The following NLN variants were observed in gnomAD, a reference collection of about 807,000 sequenced individuals.
NLN encodes neurolysin, mitochondrial.
A neutral mutation model predicts 79.9 loss-of-function variants in NLN; 64 were observed. The ratio of observed to expected loss-of-function variants is 0.80; its 90% CI spans 0.65 to 0.99. The LOEUF (loss-of-function observed/expected upper bound fraction) is 0.99. Ranked by LOEUF, NLN falls within the 50% of genes least tolerant of loss-of-function variation. The probability of loss-of-function intolerance (pLI) is 0.00; values close to 1 mark genes in which losing one functional copy is unlikely to be tolerated. For missense variants in NLN, 835 were observed against 858.7 expected (o/e 0.97, Z 0.34); for synonymous variants, 267 against 296.6 (o/e 0.90, Z 1.02).
At chr5:65,795,838 A>G (rs1449848136) in intron 9 of NLN, among the ~76,000 whole-genome samples, 1 of 152,246 alleles carries the variant, frequency 6.6e-6, no homozygotes, top group Non-Finnish European at 1.5e-5. Flanking sequence ...TTTGTAATTT[A>G]GAAGTCAAAA....
intron 3 of NLN, among the ~76,000 whole-genome samples, chr5:65,773,166 C>G (rs1419568024): frequency 7.7e-6 from 1 of 130,082 alleles, no homozygotes; most frequent in Non-Finnish European, 1.6e-5. Context: ...GGTCCTCACT[C>G]TGTTGCCCAG....
chr5:65,777,495 G>A lies in NLN; in HGVS notation c.519G>A (p.Gly173=), dbSNP rs1485051803. 1.2e-6 allele frequency: 2 copies of A among 1,612,376 alleles called. No homozygotes were observed. Among genetic ancestry groups the A allele is most frequent in the Admixed American group, 1.7e-5 (1 of 59,976 alleles). The part of the protein sequence containing the change: ...RRYLEKSIKM[G]KRNGLHLPEQ... ...ACTTGGAAAAGTCAATTAAAATGGG[G>A]AAAAGAAATGGGCTCCATCTTCCTG... Residue 173 remains glycine (G), a synonymous_variant, in exon 4 of 13, where the codon GGG becomes GGA. Coordinates refer to ENST00000380985, the MANE Select transcript of NLN (RefSeq NM_020726.5).
Position 65,828,238 on chromosome 5 carries a change from T to A in NLN, c.*5323T>A, listed in dbSNP as rs922808960. The A allele has an allele frequency of 6.6e-6, 1 of 152,190 alleles. No individual in the cohort carries two copies. The highest frequency in any genetic ancestry group is 2.4e-5 in the African/African-American group (1 of 41,422). The allele number at this position is 152,190 out of a possible 1,614,324, so 9.4% of individuals were successfully genotyped here. A position where few individuals can be genotyped will look rare whatever the true frequency, so the allele number is the denominator to read the frequency against. On this transcript the variant is annotated 3_prime_UTR_variant, in exon 13 of 13. Coordinates refer to ENST00000380985, the MANE Select transcript of NLN (RefSeq NM_020726.5). ...ACGGGAGGCGAGAACTAAGGCTTTT[T>A]AAGAATGTGTTGATGGAAGTATGTG...
intron 12 of NLN, among the ~76,000 whole-genome samples, chr5:65,822,456 A>C (rs1232100618): frequency 6.6e-6 from 1 of 152,230 alleles, no homozygotes; most frequent in East Asian, 1.9e-4. Context: ...ATCACGAGAG[A>C]TAGCATAGCA....
intron 12 of NLN, among the ~76,000 whole-genome samples, chr5:65,822,430 T>C (rs1409680636): frequency 6.6e-6 from 1 of 152,234 alleles, no homozygotes; most frequent in Non-Finnish European, 1.5e-5. Context: ...AACACTTGCT[T>C]TCTAAGCCTT....
At chr5:65,800,018 A>T (rs956468718) in intron 9 of NLN, among the ~76,000 whole-genome samples, 1 of 152,242 alleles carries the variant, frequency 6.6e-6, no homozygotes, top group African/African-American at 2.4e-5. Flanking sequence ...CTAAGAAATC[A>T]GTACTGGATC....
intron 12 of NLN, among the ~76,000 whole-genome samples, chr5:65,813,165 A>G (rs756084022): frequency 3.2e-4 from 49 of 152,288 alleles, no homozygotes; most frequent in Middle Eastern, 3.4e-3. Flanking sequence ...ATACATATGT[A>G]TTGAAATACA....
At chr5:65,776,830 AT>A (rs1033948685) in intron 3 of NLN, among the ~76,000 whole-genome samples, 1 of 152,042 alleles carries the variant, frequency 6.6e-6, no homozygotes, top group African/African-American at 2.4e-5. Flanking sequence ...GTGCTGACTC[AT>A]TTTCCCCAGA....
rs1579908016 is a variant in NLN at position 65,733,563 on chromosome 5, A to C, written c.41+11149A>C. The stretch of plus-strand genomic sequence containing the variant: ...GCTGATGTGTACAGTCAGGGAAGTC[A>C]GGCAGCCCAAGAGGATCTTTTTTGG... On this transcript the variant is annotated intron_variant, in intron 1 of 12. Coordinates refer to ENST00000380985, the MANE Select transcript of NLN (RefSeq NM_020726.5). 6.7e-6 allele frequency: 10 copies of C among 1,498,760 alleles called. 3 individuals are homozygous for C. The East Asian group carries it at 1.8e-4, about 27-fold the overall frequency. The allele number at this position is 1,498,760 out of a possible 1,614,324, so 92.8% of individuals were successfully genotyped here.
chr5:65,821,946 G>C (rs1314594832), intron 12 of NLN, among the ~76,000 whole-genome samples: 1 of 152,170 alleles, frequency 6.6e-6, no homozygotes, highest in Non-Finnish European at 1.5e-5. Flanking sequence ...CTTGTACTAA[G>C]TCCTTTTGAT....
At chr5:65,755,888 C>T (rs1759206323) in intron 1 of NLN, among the ~76,000 whole-genome samples, 1 of 152,144 alleles carries the variant, frequency 6.6e-6, no homozygotes, top group Non-Finnish European at 1.5e-5. Flanking sequence ...CGTTAGCTCT[C>T]CTTATTTCCA....
At chr5:65,803,477 T>C (rs535029911) in intron 9 of NLN, among the ~76,000 whole-genome samples, 4 of 152,274 alleles carry the variant, frequency 2.6e-5, no homozygotes, top group African/African-American at 9.6e-5. Flanking sequence ...GACCTCAGCT[T>C]TGCTCCAAGA....
intron 1 of NLN, among the ~76,000 whole-genome samples, chr5:65,755,900 G>A (rs979762102): frequency 1.3e-5 from 2 of 151,874 alleles, no homozygotes; most frequent in Admixed American, 6.6e-5. Context: ...TTATTTCCAC[G>A]GCCAGATCCA....
In NLN at chr5:65,800,491, C is replaced by T. The variant is rs562034163; in HGVS notation, c.1527+7836C>T. Among the ~76,000 whole-genome samples the T allele has an allele frequency of 1.1e-4, 17 of 151,980 alleles. No homozygotes were observed. In the South Asian group the frequency reaches 1.7e-3, roughly 15 times the overall value. ...GAGATCGAGACCATCCTGGCTAACA[C>T]GGTGAAACCCCATCTCTACTAAAAA... On this transcript the variant is annotated intron_variant, in intron 9 of 12. Transcript: ENST00000380985.
intron 1 of NLN, among the ~76,000 whole-genome samples, chr5:65,757,002 C>T (rs1013988282): frequency 6.6e-6 from 1 of 152,278 alleles, no homozygotes; most frequent in South Asian, 2.1e-4. Flanking sequence ...GGGTTCCCTT[C>T]GTTTGGAGTT....
At chr5:65,740,708 G>A (rs1367852897) in intron 1 of NLN, among the ~76,000 whole-genome samples, 4 of 151,694 alleles carry the variant, frequency 2.6e-5, no homozygotes, top group South Asian at 4.2e-4. Flanking sequence ...GTCCAAAATC[G>A]GTTGGCCATA....
chr5:65,749,019 G>A (rs1051620901), intron 1 of NLN, among the ~76,000 whole-genome samples: 4 of 152,184 alleles, frequency 2.6e-5, no homozygotes, highest in Admixed American at 6.5e-5. Context: ...GAGATCTGAT[G>A]GTTTCATAAA....
At chr5:65,758,406 G>A (rs1759266389) in intron 1 of NLN, among the ~76,000 whole-genome samples, 161 bp from the exon 2 acceptor site, 2 of 151,836 alleles carry the variant, frequency 1.3e-5, no homozygotes, top group Admixed American at 6.6e-5. Context: ...GGAAATACAG[G>A]GGCACTTAGT....
intron 3 of NLN, among the ~76,000 whole-genome samples, chr5:65,775,647 C>A (rs1214034328): frequency 1.3e-5 from 2 of 152,212 alleles, no homozygotes; most frequent in Admixed American, 1.3e-4. Context: ...CTAGATCAAC[C>A]CAAGTTAATC....
Sources: allele counts gnomAD v4.1 joint callset (sites outside exome capture counted in the v4.1 genomes callset), GRCh38; gene constraint gnomAD v4.1.1; transcripts MANE v1.5; gene names NCBI Gene and HGNC (gene_info 2026-07-23, HGNC 2026-07-21).